The following ACAD11 variants were observed in gnomAD, a reference collection of about 807,000 sequenced individuals.
ACAD11 encodes acyl-Coenzyme A dehydrogenase family, member 11.
ACAD11 carries 83 observed loss-of-function variants against 102.2 expected under a neutral mutation model. That is an observed-to-expected ratio of 0.81 (90% CI 0.68 to 0.97). The LOEUF is 0.97. Among genes scored for constraint, ACAD11 ranks in the 50% least tolerant of loss-of-function variants. ACAD11 has a pLI of 0.00. For synonymous variants in ACAD11, 324 were observed against 319.8 expected (o/e 1.01, Z -0.14); for missense variants, 901 against 951.7 (o/e 0.95, Z 0.70).
intron 13 of ACAD11, among the ~76,000 whole-genome samples, chr3:132,582,038 A>G (rs557319383): frequency 6.6e-6 from 1 of 152,070 alleles, no homozygotes; most frequent in South Asian, 2.1e-4. Context: ...AGAGTGTAGA[A>G]AGGGTTAAGA....
chr3:132,618,360 G>GGATCCAT, intron 11 of ACAD11: 1 of 368,454 alleles, frequency 2.7e-6, no homozygotes, highest in Non-Finnish European at 4.8e-6. Context: ...CAATTCCCAT[G>GGATCCAT]GATCCATGAT....
chr3:132,602,255 T>C (rs1938640908), intron 13 of ACAD11: 1 of 166,988 alleles, frequency 6.0e-6, no homozygotes, highest in Admixed American at 6.6e-5. Context: ...GGTAAGTTCC[T>C]AAAGACATAA....
intron 16 of ACAD11, among the ~76,000 whole-genome samples, chr3:132,576,723 G>C (rs1937529373): frequency 6.6e-6 from 1 of 152,202 alleles, no homozygotes; most frequent in South Asian, 2.1e-4. Context: ...AGAAGGGAAA[G>C]TATTAGGTTG....
Position 132,618,786 on chromosome 3 carries a change from G to C in ACAD11, c.1276-14C>G. On this transcript the variant is annotated splice_polypyrimidine_tract_variant and intron_variant, in intron 10 of 19. Coordinates refer to ENST00000264990, the MANE Select transcript of ACAD11 (RefSeq NM_032169.5). ...TTTGGCCATTTCCTGTCAAGGTGAT[G>C]AACATGCCAGAGTGACCATAATTTA... 1 of 1,565,320 alleles carries C rather than the reference G, an allele frequency of 6.4e-7. No homozygotes were observed. Among genetic ancestry groups the C allele is most frequent in the Non-Finnish European group, 8.6e-7 (1 of 1,161,060 alleles).
chr3:132,654,742 T>A (rs552482373), intron 1 of ACAD11: 1 of 152,388 alleles, frequency 6.6e-6, no homozygotes, highest in South Asian at 2.1e-4. Flanking sequence ...GAATACTTGC[T>A]GTGTTTCCCT....
intron 13 of ACAD11, among the ~76,000 whole-genome samples, chr3:132,582,820 C>T (rs987951193): frequency 6.6e-6 from 1 of 152,100 alleles, no homozygotes; most frequent in Admixed American, 6.6e-5. Context: ...CGACTTAGAA[C>T]TTGAATTGTA....
intron 11 of ACAD11, among the ~76,000 whole-genome samples, chr3:132,616,535 G>T (rs983915263): frequency 1.2e-4 from 18 of 152,176 alleles, no homozygotes; most frequent in Non-Finnish European, 2.4e-4. Context: ...CTTGCATGTA[G>T]TAAGAGAAAC....
At position 132,590,317 on chromosome 3, in the gene ACAD11, C is replaced by T. The variant is rs191219718; in HGVS notation, c.1622-10759G>A. Among the ~76,000 whole-genome samples, 227 of 152,224 alleles carry T rather than the reference C, an allele frequency of 1.5e-3. 2 individuals carry two copies. The highest frequency in any genetic ancestry group is 4.6e-3 in the African/African-American group (193 of 41,548). ...TGTTGCCAAGGCTGGAGTAGAGTGGCGCGATCTCAGCTCACTGCAATCTCC... is the reference window on the plus strand; with the variant it reads ...TGTTGCCAAGGCTGGAGTAGAGTGGTGCGATCTCAGCTCACTGCAATCTCC... On this transcript the variant is annotated intron_variant, in intron 13 of 19. Coordinates refer to ENST00000264990, the MANE Select transcript of ACAD11 (RefSeq NM_032169.5).
chr3:132,610,921 A>G (rs930211256), intron 11 of ACAD11, among the ~76,000 whole-genome samples: 1 of 152,190 alleles, frequency 6.6e-6, no homozygotes, highest in African/African-American at 2.4e-5. Context: ...ACACAATAAA[A>G]AAAGAGAATT....
chr3:132,601,375 A>G, intron 13 of ACAD11: 2 of 1,605,926 alleles, frequency 1.2e-6, no homozygotes, highest in Non-Finnish European at 1.7e-6. Flanking sequence ...CCTGGAGAAG[A>G]CAGAGACAAA....
At chr3:132,641,344 C>T (rs1206911108) in intron 4 of ACAD11, among the ~76,000 whole-genome samples, 1 of 151,942 alleles carries the variant, frequency 6.6e-6, no homozygotes, top group Non-Finnish European at 1.5e-5. Flanking sequence ...GAGATTGAGA[C>T]CATCCTGGCT....
intron 11 of ACAD11, among the ~76,000 whole-genome samples, chr3:132,616,109 C>G (rs561917385): frequency 1.3e-5 from 2 of 152,232 alleles, no homozygotes; most frequent in South Asian, 4.2e-4. Flanking sequence ...ATGCTTGAGG[C>G]CTTCGTGGTA....
In ACAD11 at chr3:132,577,028, A is replaced by C; in HGVS notation, c.1775-13T>G. On this transcript the variant is annotated splice_polypyrimidine_tract_variant and intron_variant, in intron 15 of 19. Coordinates refer to ENST00000264990, the MANE Select transcript of ACAD11 (RefSeq NM_032169.5). ...CCATGAAAATTATCTATAAAATAGA[A>C]AATAAAATTTAGAGCAAAAGGAGTT... 6.5e-7 allele frequency: 1 copy of C among 1,544,040 alleles called. No homozygotes were observed. The highest frequency in any genetic ancestry group is 8.9e-7 in the Non-Finnish European group (1 of 1,122,306).
chr3:132,625,801 T>C (rs539764412), intron 9 of ACAD11, among the ~76,000 whole-genome samples: 1 of 152,326 alleles, frequency 6.6e-6, no homozygotes, highest in Non-Finnish European at 1.5e-5. Flanking sequence ...AGGCTAGCTG[T>C]AGACCTCTCA....
intron 11 of ACAD11, among the ~76,000 whole-genome samples, chr3:132,608,787 C>T (rs1938975902): frequency 6.6e-6 from 1 of 152,104 alleles, no homozygotes; most frequent in Non-Finnish European, 1.5e-5. Flanking sequence ...CTGGACCAAG[C>T]AGACCTAGTA....
At chr3:132,594,359 G>C (rs1261524830) in intron 13 of ACAD11, among the ~76,000 whole-genome samples, 1 of 152,038 alleles carries the variant, frequency 6.6e-6, no homozygotes, top group African/African-American at 2.4e-5. Flanking sequence ...ATAATAGATG[G>C]CATCATAAAA....
chr3:132,575,094 G>A (rs1159702407), intron 17 of ACAD11, among the ~76,000 whole-genome samples: 3 of 151,874 alleles, frequency 2.0e-5, no homozygotes, highest in African/African-American at 4.8e-5. Flanking sequence ...CAACCCACCC[G>A]CCTCGGTCTC....
chr3:132,579,670 G>C, intron 13 of ACAD11, 112 bp from the exon 14 acceptor site: 3 of 744,108 alleles, frequency 4.0e-6, no homozygotes. Flanking sequence ...CAAATAGAGA[G>C]AACATTCCTG....
intron 15 of ACAD11, among the ~76,000 whole-genome samples, chr3:132,577,428 T>C (rs1937538768): frequency 1.3e-5 from 2 of 152,218 alleles, no homozygotes; most frequent in Admixed American, 1.3e-4. Context: ...ATGTAATCCA[T>C]GTTTCTTATT....
Sources: allele counts gnomAD v4.1 joint callset (sites outside exome capture counted in the v4.1 genomes callset), GRCh38; gene constraint gnomAD v4.1.1; transcripts MANE v1.5; gene names NCBI Gene and HGNC (gene_info 2026-07-23, HGNC 2026-07-21).